FOXN3: variants seen among roughly 807,000 people sequenced by gnomAD.
The protein encoded by FOXN3 is forkhead box N3.
In FOXN3, 7 loss-of-function variants were observed where a neutral mutation model predicts 38.4. The observed-to-expected ratio is 0.18, with a 90% CI of 0.10 to 0.34. The LOEUF is 0.34. Ranked by LOEUF, FOXN3 falls within the 10% of genes least tolerant of loss-of-function variation. The probability of loss-of-function intolerance (pLI) is 1.00; values close to 1 mark genes in which losing one functional copy is unlikely to be tolerated. For synonymous variants in FOXN3, 230 were observed against 242.2 expected (o/e 0.95, Z 0.47); for missense variants, 456 against 613.4 (o/e 0.74, Z 2.71).
chr14:89,539,253 AG>A (rs1354249040), intron 1 of FOXN3, among the ~76,000 whole-genome samples: 2 of 152,234 alleles, frequency 1.3e-5, no homozygotes, highest in African/African-American at 2.4e-5. Context: ...GAAGATAAAA[AG>A]GTTATGTAGT....
At chr14:89,467,588 A>C (rs1437451729) in intron 1 of FOXN3, among the ~76,000 whole-genome samples, 1 of 150,390 alleles carries the variant, frequency 6.6e-6, no homozygotes, top group Non-Finnish European at 1.5e-5. Flanking sequence ...AGGAAGGAAG[A>C]AAATTAAAGC....
chr14:89,446,191 T>C (rs28650294), intron 1 of FOXN3, among the ~76,000 whole-genome samples: 2,711 of 85,152 alleles, frequency 0.032, 35 homozygotes, highest in Middle Eastern at 0.055. Flanking sequence ...TTTTTTTTTT[T>C]TTTTCTTTTT....
At position 89,472,801 on chromosome 14, in the gene FOXN3, T is replaced by TAGACATAA. The variant is rs576405183; in HGVS notation, c.-14-60319_-14-60312dup. On this transcript the variant is annotated intron_variant, in intron 1 of 6. Coordinates refer to the FOXN3 transcript ENST00000345097. ...GGAACTCAGTTGGTCATTATATATG[T>TAGACATAA]AGACATAATTTTTAATTATCAGATG... 2.4e-3 allele frequency among the ~76,000 whole-genome samples: 358 copies of TAGACATAA among 151,798 alleles called. 2 individuals are homozygous for TAGACATAA. The highest frequency in any genetic ancestry group is 0.01 in the Middle Eastern group (3 of 288).
At chr14:89,501,987 G>A (rs1009123211) in intron 1 of FOXN3, among the ~76,000 whole-genome samples, 2 of 151,908 alleles carry the variant, frequency 1.3e-5, no homozygotes, top group Non-Finnish European at 1.5e-5. Flanking sequence ...CCAACATGGC[G>A]AAACCCCAAC....
chr14:89,452,673 G>A lies in FOXN3; in HGVS notation c.-14-40183C>T, dbSNP rs541807551. Among the ~76,000 whole-genome samples the A allele has an allele frequency of 7.8e-4, 119 of 152,286 alleles. 1 individual carries two copies. Among genetic ancestry groups the A allele is most frequent in the African/African-American group, 2.6e-3 (109 of 41,554 alleles). Reference sequence around the variant, plus strand: ...TGGCTATTTCCCCTCATGCAGCCCTGAGAAAACTGATGCACCCACCCAACA... The same window carrying A: ...TGGCTATTTCCCCTCATGCAGCCCTAAGAAAACTGATGCACCCACCCAACA... On this transcript the variant is annotated intron_variant, in intron 1 of 6. Coordinates refer to the FOXN3 transcript ENST00000345097.
At chr14:89,187,558 C>G (rs1887839679) in intron 4 of FOXN3, among the ~76,000 whole-genome samples, 1 of 152,214 alleles carries the variant, frequency 6.6e-6, no homozygotes, top group Admixed American at 6.5e-5. Flanking sequence ...GCGATGCCGG[C>G]AGGGCAGGGG....
At chr14:89,389,828 T>C (rs911115998) in intron 2 of FOXN3, among the ~76,000 whole-genome samples, 2 of 152,164 alleles carry the variant, frequency 1.3e-5, no homozygotes, top group Admixed American at 1.3e-4. Context: ...TCCTGTCCTT[T>C]GGCCCACAGC....
intron 3 of FOXN3, chr14:89,291,404 C>T (rs113569046): frequency 8.8e-5 from 53 of 605,670 alleles, no homozygotes; most frequent in Non-Finnish European, 1.4e-4. Flanking sequence ...AAGGATGCTA[C>T]TGTTCTTTAA....
chr14:89,442,095 T>A (rs1198023842), intron 1 of FOXN3, among the ~76,000 whole-genome samples: 1 of 151,896 alleles, frequency 6.6e-6, no homozygotes, highest in Non-Finnish European at 1.5e-5. Context: ...CTTGGCTAAT[T>A]TTGTATTTTT....
chr14:89,203,971 A>C (rs1357082387), intron 4 of FOXN3, among the ~76,000 whole-genome samples: 1 of 151,856 alleles, frequency 6.6e-6, no homozygotes, highest in East Asian at 1.9e-4. Flanking sequence ...GTACTACTAA[A>C]GCTTGGTTTA....
chr14:89,417,976 C>T (rs1305330172), upstream of FOXN3, among the ~76,000 whole-genome samples: 1 of 152,228 alleles, frequency 6.6e-6, no homozygotes, highest in Non-Finnish European at 1.5e-5. Context: ...TCAGTTTGAG[C>T]TCTCAGGAAC....
At chr14:89,495,263 T>TGCA (rs1893657283) in intron 1 of FOXN3, among the ~76,000 whole-genome samples, 1 of 152,326 alleles carries the variant, frequency 6.6e-6, no homozygotes, top group South Asian at 2.1e-4. Context: ...GCTTTAAAAG[T>TGCA]GCAGCTCTGT....
intron 1 of FOXN3, among the ~76,000 whole-genome samples, chr14:89,492,900 CT>C (rs1893611283): frequency 6.6e-6 from 1 of 152,210 alleles, no homozygotes; most frequent in African/African-American, 2.4e-5. Flanking sequence ...GTTCAAGTCC[CT>C]GGTTTATAAT....
At chr14:89,260,630 T>C (rs1392990847) in intron 4 of FOXN3, among the ~76,000 whole-genome samples, 3 of 152,194 alleles carry the variant, frequency 2.0e-5, no homozygotes, top group Non-Finnish European at 2.9e-5. Flanking sequence ...CTTAAGGATA[T>C]GGATTGTATT....
At chr14:89,300,088 T>C (rs1887170032) in intron 3 of FOXN3, among the ~76,000 whole-genome samples, 1 of 151,448 alleles carries the variant, frequency 6.6e-6, no homozygotes, top group Non-Finnish European at 1.5e-5. Context: ...CATGAACTGA[T>C]ACAACATTCA....
intron 1 of FOXN3, among the ~76,000 whole-genome samples, chr14:89,507,462 AC>A (rs757220051): frequency 7.2e-4 from 109 of 152,246 alleles, no homozygotes; most frequent in Non-Finnish European, 1.2e-3. Flanking sequence ...TAATCACTCC[AC>A]CATTGAGCCA....
chr14:89,325,768 G>T (rs1290249930), intron 3 of FOXN3, among the ~76,000 whole-genome samples: 1 of 152,168 alleles, frequency 6.6e-6, no homozygotes, highest in East Asian at 1.9e-4. Context: ...GAAGTGGCAG[G>T]TATAGAACTG....
intron 1 of FOXN3, among the ~76,000 whole-genome samples, chr14:89,440,468 C>T (rs895458073): frequency 2.0e-5 from 3 of 152,174 alleles, no homozygotes; most frequent in African/African-American, 4.8e-5. Flanking sequence ...AGTGAATATG[C>T]CCTGCCCCAC....
chr14:89,602,288 C>CAAAAAAA lies in FOXN3; in HGVS notation c.-15+16733_-15+16739dup, dbSNP rs111592437. 1.1e-3 allele frequency among the ~76,000 whole-genome samples: 151 copies of CAAAAAAA among 133,724 alleles called. 1 individual carries two copies. The highest frequency in any genetic ancestry group is 3.6e-3 in the African/African-American group (133 of 36,584). The allele number at this position is 133,724 out of a possible 152,430, so 87.7% of individuals were successfully genotyped here. On this transcript the variant is annotated intron_variant, in intron 1 of 6. Transcript: ENST00000345097. The stretch of plus-strand genomic sequence containing the variant: ...TGGGTGACAGAGCAAGACTTTGTGT[C>CAAAAAAA]AAAAAAAAAAACACATGCGAAAGAA...
Sources: gnomAD v4.1 joint callset for allele counts (sites outside exome capture counted in the v4.1 genomes callset) on GRCh38, gnomAD v4.1.1 for gene constraint, MANE v1.5 for transcripts, NCBI Gene and HGNC (gene_info 2026-07-23, HGNC 2026-07-21) for gene names.